The following AJM1 variants were observed in gnomAD, a reference collection of about 807,000 sequenced individuals.
AJM1 encodes uncharacterized protein C9orf172.
In AJM1, 22 loss-of-function variants were observed where a neutral mutation model predicts 43.0. That is an observed-to-expected ratio of 0.51 (90% CI 0.37 to 0.73). The LOEUF (loss-of-function observed/expected upper bound fraction) is 0.73, where lower values mean the gene tolerates loss of function less well. Among genes scored for constraint, AJM1 ranks in the 30% least tolerant of loss-of-function variants. The probability of loss-of-function intolerance (pLI) is 0.00; values close to 1 mark genes in which losing one functional copy is unlikely to be tolerated. For synonymous variants in AJM1, 719 were observed against 638.3 expected (o/e 1.13, Z -1.91); for missense variants, 1,305 against 1,343.3 (o/e 0.97, Z 0.45).
chr9:136,845,103 C>T lies in AJM1; in HGVS notation c.689C>T (p.Pro230Leu), dbSNP rs1376814529. 6 of 1,434,666 alleles carry T rather than the reference C, an allele frequency of 4.2e-6. No individual in the cohort carries two copies. Among genetic ancestry groups the T allele is most frequent in the Non-Finnish European group, 4.8e-6 (5 of 1,038,986 alleles). 88.9% of individuals were successfully genotyped at this position (1,434,666 alleles called of 1,614,324 possible). ...PQFHGLTVPG[P>L]RHMALSRTPT... ...TTCCACGGCCTCACGGTGCCCGGGCCCCGCCACATGGCGCTGTCGCGCACC... is the reference window on the plus strand; with the variant it reads ...TTCCACGGCCTCACGGTGCCCGGGCTCCGCCACATGGCGCTGTCGCGCACC... The change falls in exon 3 of 3, where the codon CCC becomes CTC. Residue 230 changes from proline (P) to leucine (L), a missense_variant. By Grantham distance (98) the Pro-to-Leu change is moderately conservative. This residue lies in a region of AJM1 where 653 missense variants were observed against 549.1 expected (regional missense o/e 1.19). Transcript: ENST00000436881.
rs779957428 is a variant in AJM1, at chr9:136,845,889, T to C, written c.1475T>C (p.Val492Ala). ...TCCCCCGAAGGCCGGCGCCCGCCCG[T>C]CGTCGTGAACCTGTCCACCTCTCCC... Reference protein sequence around the residue: ...GVSPEGRRPPVVVNLSTSPRR... With the variant: ...GVSPEGRRPPAVVNLSTSPRR... Residue 492 changes from valine to alanine, a missense_variant, in exon 3 of 3, where the codon GTC (valine) becomes GCC (alanine). By Grantham distance (64) the Val-to-Ala change is moderately conservative (BLOSUM62 0). This residue lies in a region of AJM1 where 653 missense variants were observed against 549.1 expected (regional missense o/e 1.19). Coordinates refer to ENST00000436881, the MANE Select transcript of AJM1 (RefSeq NM_001080482.5). 3.9e-6 allele frequency: 6 copies of C among 1,558,074 alleles called. No individual in the cohort carries two copies. The South Asian group carries it at 7.1e-5, about 18-fold the overall frequency.
rs1848792743 is a variant in AJM1 at position 136,847,331 on chromosome 9, G to A, written c.2917G>A (p.Asp973Asn). 3.9e-6 allele frequency: 6 copies of A among 1,523,302 alleles called. No individual in the cohort carries two copies. The highest frequency in any genetic ancestry group is 5.3e-6 in the Non-Finnish European group (6 of 1,138,884). The allele number at this position is 1,523,302 out of a possible 1,614,324, so 94.4% of individuals were successfully genotyped here. A position where few individuals can be genotyped will look rare whatever the true frequency, so the allele number is the denominator to read the frequency against. ...LDWVASANLL[D>N]DIM is the part of the protein sequence containing the mutation. ...CTGGGTGGCCAGCGCCAACCTGCTG[G>A]ACGACATCATGTGAGGCGCCGGGCC... The change falls in exon 3 of 3, where the codon GAC becomes AAC. Residue 973 changes from aspartate to asparagine, a missense_variant. Transcript: ENST00000436881.
At position 136,847,906 on chromosome 9, in the gene AJM1, T is replaced by C. The variant is rs1232289183; in HGVS notation, c.*561T>C. ...CGCCCCGCCCCGCCTCCCGCGGCTG[T>C]GTTGCCTCCTCGCTGGAGAACACCC... On this transcript the variant is annotated 3_prime_UTR_variant, in exon 3 of 3. Transcript: ENST00000436881. 3 of 152,484 alleles carry C rather than the reference T, an allele frequency of 2.0e-5. No individual in the cohort carries two copies. Among genetic ancestry groups the C allele is most frequent in the Non-Finnish European group, 4.4e-5 (3 of 68,216 alleles). 9.4% of individuals were successfully genotyped at this position (152,484 alleles called of 1,614,324 possible). A position where few individuals can be genotyped will look rare whatever the true frequency, so the allele number is the denominator to read the frequency against.
At position 136,846,378 on chromosome 9, in the gene AJM1, C is replaced by G. The variant is rs1848775053; in HGVS notation, c.1964C>G (p.Pro655Arg). 1.3e-6 allele frequency: 2 copies of G among 1,514,628 alleles called. No individual in the cohort carries two copies. The highest frequency in any genetic ancestry group is 1.8e-6 in the Non-Finnish European group (2 of 1,134,100). The allele number at this position is 1,514,628 out of a possible 1,614,324, so 93.8% of individuals were successfully genotyped here. Reference sequence around the variant, plus strand: ...GAGGCGGCCGACGCGTCCCCCGAACCCAGCGCCGACGAGGACGACCTGATG... The same window carrying G: ...GAGGCGGCCGACGCGTCCCCCGAACGCAGCGCCGACGAGGACGACCTGATG... ...PGEAADASPE[P>R]SADEDDLMTC... The change falls in exon 3 of 3, where the codon CCC (proline) becomes CGC (arginine). Residue 655 changes from proline (P) to arginine (R), a missense_variant. By Grantham distance (103) the Pro-to-Arg change is moderately radical. Coordinates refer to ENST00000436881, the MANE Select transcript of AJM1 (RefSeq NM_001080482.5).
rs760821329 is a variant in AJM1 at position 136,844,611 on chromosome 9, C to A, written c.197C>A (p.Thr66Asn). 2.6e-6 allele frequency: 4 copies of A among 1,568,484 alleles called. No individual in the cohort carries two copies. The South Asian group carries it at 3.5e-5, about 14-fold the overall frequency. Residue 66 changes from threonine to asparagine, a missense_variant, in exon 3 of 3, where the codon ACC (threonine) becomes AAC (asparagine). Physicochemically the swap from Thr to Asn is moderately conservative, Grantham distance 65 (BLOSUM62 0). Transcript: ENST00000436881. ...GCGCTGGACGGGCCGGCCATGGAGACCCTGCCGGAGCCACCGCCGCCGGAG... is the reference window on the plus strand; with the variant it reads ...GCGCTGGACGGGCCGGCCATGGAGAACCTGCCGGAGCCACCGCCGCCGGAG... Reference protein sequence around the residue: ...LEALDGPAMETLPEPPPPESA... With the variant: ...LEALDGPAMENLPEPPPPESA...
In AJM1 at chr9:136,846,967, G is replaced by A. The variant is rs1848785300; in HGVS notation, c.2553G>A (p.Ala851=). The A allele has an allele frequency of 3.1e-6, 4 of 1,299,068 alleles. No individual in the cohort carries two copies. The highest frequency in any genetic ancestry group is 1.6e-5 in the South Asian group (1 of 63,052). The allele number at this position is 1,299,068 out of a possible 1,614,324, so 80.5% of individuals were successfully genotyped here. ...GPTVRKFAKV[A]LAAGSPARPP... is the part of the protein sequence containing the mutation. ...CAGTGCGCAAGTTCGCCAAGGTAGC[G>A]CTGGCGGCCGGCAGCCCCGCGCGGC... is the stretch of plus-strand genomic sequence containing the variant. The change falls in exon 3 of 3, where the codon GCG becomes GCA. Residue 851 remains alanine, a synonymous_variant. Transcript: ENST00000436881.
rs775043002 is a variant in AJM1 at position 136,846,583 on chromosome 9, G to T, written c.2169G>T (p.Leu723=). 36 of 1,592,026 alleles carry T rather than the reference G, an allele frequency of 2.3e-5. No homozygotes were observed. In the East Asian group the frequency reaches 7.4e-4, roughly 33 times the overall value. The change falls in exon 3 of 3, where the codon CTG becomes CTT. Residue 723 remains leucine, a synonymous_variant. Coordinates refer to ENST00000436881, the MANE Select transcript of AJM1 (RefSeq NM_001080482.5). Reference sequence around the variant, plus strand: ...TGGGCAGCGTGTGCCGCCACGTACTGCAGTTTTGCCGCGACAGCGGCCCGG... The same window carrying T: ...TGGGCAGCGTGTGCCGCCACGTACTTCAGTTTTGCCGCGACAGCGGCCCGG... ...GRVGSVCRHV[L]QFCRDSGPVH...
chr9:136,846,501 G>A lies in AJM1; in HGVS notation c.2087G>A (p.Arg696His). The A allele has an allele frequency of 1.3e-6, 2 of 1,593,630 alleles. No homozygotes were observed. Among genetic ancestry groups the A allele is most frequent in the Non-Finnish European group, 1.7e-6 (2 of 1,177,092 alleles). The change falls in exon 3 of 3, where the codon CGC becomes CAC. Residue 696 changes from arginine to histidine, a missense_variant. Coordinates refer to ENST00000436881, the MANE Select transcript of AJM1 (RefSeq NM_001080482.5). ...CHSCYTYYCS[R>H]LCRREDWDAH... Reference sequence around the variant, plus strand: ...AGCTGCTACACCTACTACTGCTCGCGCCTGTGCCGCCGCGAGGACTGGGAC... The same window carrying A: ...AGCTGCTACACCTACTACTGCTCGCACCTGTGCCGCCGCGAGGACTGGGAC...
Position 136,844,884 on chromosome 9 carries a change from G to C in AJM1, c.470G>C (p.Gly157Ala). The change falls in exon 3 of 3, where the codon GGC (glycine) becomes GCC (alanine). Residue 157 changes from glycine to alanine, a missense_variant. Gly to Ala is a moderately conservative substitution (Grantham distance 60). Transcript: ENST00000436881. The part of the protein sequence containing the change: ...HPIKLQPQRG[G>A]PGRVAPLCAA... ...ATCAAGTTGCAGCCGCAGCGGGGCG[G>C]CCCCGGCCGCGTCGCGCCCCTGTGC... 4.5e-6 allele frequency: 1 copy of C among 223,814 alleles called. No homozygotes were observed. Among genetic ancestry groups the C allele is most frequent in the Admixed American group, 5.7e-5 (1 of 17,540 alleles). The allele number at this position is 223,814 out of a possible 1,614,324, so 13.9% of individuals were successfully genotyped here. A position where few individuals can be genotyped will look rare whatever the true frequency, so the allele number is the denominator to read the frequency against.
rs1564378496 is a variant in AJM1, at chr9:136,846,091, G to C, written c.1677G>C (p.Arg559=). 3 of 1,529,654 alleles carry C rather than the reference G, an allele frequency of 2.0e-6. No individual in the cohort carries two copies. Among genetic ancestry groups the C allele is most frequent in the Non-Finnish European group, 2.6e-6 (3 of 1,142,564 alleles). 94.8% of individuals were successfully genotyped at this position (1,529,654 alleles called of 1,614,324 possible). A position where few individuals can be genotyped will look rare whatever the true frequency, so the allele number is the denominator to read the frequency against. ...RAWELPGGRT[R]PPPHAAPDGP... The stretch of plus-strand genomic sequence containing the variant: ...GGGAGTTGCCCGGGGGCCGCACGCG[G>C]CCACCTCCCCACGCGGCCCCCGACG... Residue 559 remains arginine, a synonymous_variant, in exon 3 of 3, where the codon CGG becomes CGC. Coordinates refer to ENST00000436881, the MANE Select transcript of AJM1 (RefSeq NM_001080482.5).
chr9:136,843,845 C>G (rs1456073445), intron 1 of AJM1, among the ~76,000 whole-genome samples: 1 of 152,184 alleles, frequency 6.6e-6, no homozygotes, highest in African/African-American at 2.4e-5. Context: ...TGTGCGCGAT[C>G]GGAGGGGTCG....
rs757182652 is a variant in AJM1, at chr9:136,845,354, G to A, written c.940G>A (p.Glu314Lys). 9.9e-6 allele frequency: 16 copies of A among 1,612,304 alleles called. No homozygotes were observed. The highest frequency in any genetic ancestry group is 1.4e-5 in the Non-Finnish European group (16 of 1,179,846). Residue 314 changes from glutamate (E) to lysine (K), a missense_variant, in exon 3 of 3, where the codon GAG becomes AAG. Physicochemically the swap from Glu to Lys is moderately conservative, Grantham distance 56 (BLOSUM62 1). Transcript: ENST00000436881. The stretch of plus-strand genomic sequence containing the variant: ...CTACCCCAGGCCCTATCCGTCCGAG[G>A]AGCTCTCGGGGCCCAGTCCAAGGCG... ...AYYPRPYPSE[E>K]LSGPSPRRMG...
At chr9:136,844,090 G>A (rs1848735379) in intron 1 of AJM1, among the ~76,000 whole-genome samples, 106 bp from the exon 2 acceptor site, 1 of 152,196 alleles carries the variant, frequency 6.6e-6, no homozygotes, top group African/African-American at 2.4e-5. Context: ...TCCCGCCGCG[G>A]GAACCACAAC....
chr9:136,846,892 A>C lies in AJM1; in HGVS notation c.2478A>C (p.Pro826=), dbSNP rs1363230929. The change falls in exon 3 of 3, where the codon CCA becomes CCC. Residue 826 remains proline (P), a synonymous_variant. Coordinates refer to ENST00000436881, the MANE Select transcript of AJM1 (RefSeq NM_001080482.5). ...VSVAVGPGTA[P]PGTPALPAPA... ...TGGCCGTGGGACCCGGCACCGCGCC[A>C]CCGGGGACACCGGCCCTGCCCGCGC... 3.1e-5 allele frequency: 47 copies of C among 1,517,152 alleles called. No individual in the cohort carries two copies. The highest frequency in any genetic ancestry group is 4.0e-5 in the Non-Finnish European group (46 of 1,139,912). The allele number at this position is 1,517,152 out of a possible 1,614,324, so 94.0% of individuals were successfully genotyped here.
Position 136,848,141 on chromosome 9 carries a change from C to T in AJM1, c.*796C>T, listed in dbSNP as rs1848807263. On this transcript the variant is annotated 3_prime_UTR_variant, in exon 3 of 3. Coordinates refer to ENST00000436881, the MANE Select transcript of AJM1 (RefSeq NM_001080482.5). The stretch of plus-strand genomic sequence containing the variant: ...GGTCTTCAGGCCGATATGCAAGTCT[C>T]CCAGCCGAAGGGGCAGGGGACCTGA... 6.6e-6 allele frequency: 1 copy of T among 152,444 alleles called. No homozygotes were observed. Among genetic ancestry groups the T allele is most frequent in the Non-Finnish European group, 1.5e-5 (1 of 68,178 alleles). The allele number at this position is 152,444 out of a possible 1,614,324, so 9.4% of individuals were successfully genotyped here.
chr9:136,842,803 G>T (rs1473931971), intron 1 of AJM1, among the ~76,000 whole-genome samples: 1 of 152,134 alleles, frequency 6.6e-6, no homozygotes, highest in Non-Finnish European at 1.5e-5. Context: ...AAGGCCTTGG[G>T]CCCGGGAGAG....
At position 136,847,643 on chromosome 9, in the gene AJM1, C is replaced by T. The variant is rs998717602; in HGVS notation, c.*298C>T. On this transcript the variant is annotated 3_prime_UTR_variant, in exon 3 of 3. Coordinates refer to ENST00000436881, the MANE Select transcript of AJM1 (RefSeq NM_001080482.5). The stretch of plus-strand genomic sequence containing the variant: ...GGGCCTCCTCCCTCTCCCAGCTCGC[C>T]CTCGAGGATCCCCAGAAGAAGTCGG... 3 of 378,494 alleles carry T rather than the reference C, an allele frequency of 7.9e-6. No homozygotes were observed. The highest frequency in any genetic ancestry group is 1.3e-4 in the South Asian group (2 of 15,814). The allele number at this position is 378,494 out of a possible 1,614,324, so 23.4% of individuals were successfully genotyped here.
chr9:136,845,910 C>T lies in AJM1; in HGVS notation c.1496C>T (p.Ser499Phe). The change falls in exon 3 of 3, where the codon TCT becomes TTT. Residue 499 changes from serine to phenylalanine, a missense_variant. This residue lies in a region of AJM1 where 653 missense variants were observed against 549.1 expected (regional missense o/e 1.19). Coordinates refer to ENST00000436881, the MANE Select transcript of AJM1 (RefSeq NM_001080482.5). Reference sequence around the variant, plus strand: ...CCCGTCGTCGTGAACCTGTCCACCTCTCCCAGACGCTACGCCGCACTGTCC... The same window carrying T: ...CCCGTCGTCGTGAACCTGTCCACCTTTCCCAGACGCTACGCCGCACTGTCC... ...RPPVVVNLST[S>F]PRRYAALSLS... 1 of 1,557,942 alleles carries T rather than the reference C, an allele frequency of 6.4e-7. No homozygotes were observed. Among genetic ancestry groups the T allele is most frequent in the Non-Finnish European group, 8.7e-7 (1 of 1,152,314 alleles).
rs953107363 is a variant in AJM1, at chr9:136,844,614, T to G, written c.200T>G (p.Leu67Arg). Residue 67 changes from leucine (L) to arginine (R), a missense_variant, in exon 3 of 3, where the codon CTG becomes CGG. By Grantham distance (102) the Leu-to-Arg change is moderately radical (BLOSUM62 -2). This residue lies in a region of AJM1 where 128 missense variants were observed against 120.6 expected (regional missense o/e 1.06). Transcript: ENST00000436881. ...EALDGPAMETLPEPPPPESAV... is the reference protein window; with the variant it reads ...EALDGPAMETRPEPPPPESAV... ...CTGGACGGGCCGGCCATGGAGACCCTGCCGGAGCCACCGCCGCCGGAGTCC... is the reference window on the plus strand; with the variant it reads ...CTGGACGGGCCGGCCATGGAGACCCGGCCGGAGCCACCGCCGCCGGAGTCC... 5.1e-6 allele frequency: 8 copies of G among 1,563,226 alleles called. No homozygotes were observed. In the African/African-American group the frequency reaches 5.5e-5, roughly 11 times the overall value.
Sources: gnomAD v4.1 joint callset for allele counts (sites outside exome capture counted in the v4.1 genomes callset) on GRCh38, gnomAD v4.1.1 for gene constraint, gnomAD v4.1.1 regional missense constraint, MANE v1.5 for transcripts, NCBI Gene and HGNC (gene_info 2026-07-23, HGNC 2026-07-21) for gene names.